The following NBEAL1 variants were observed in gnomAD, a reference collection of about 807,000 sequenced individuals.
The protein encoded by NBEAL1 is neurobeachin-like protein 1.
In NBEAL1, 273 loss-of-function variants were observed where a neutral mutation model predicts 351.3. That is an observed-to-expected ratio of 0.78 (90% confidence interval 0.70 to 0.86). The LOEUF (loss-of-function observed/expected upper bound fraction) is 0.86. Among genes scored for constraint, NBEAL1 ranks in the 40% least tolerant of loss-of-function variants. The pLI is 0.00. For synonymous variants in NBEAL1, 1,050 were observed against 1,086.4 expected (o/e 0.97, Z 0.66); for missense variants, 2,961 against 3,201.3 (o/e 0.92, Z 1.81).
intron 10 of NBEAL1, among the ~76,000 whole-genome samples, chr2:203,094,712 T>C (rs1387945833): frequency 6.6e-6 from 1 of 152,210 alleles, no homozygotes; most frequent in East Asian, 1.9e-4. Context: ...ACATTTAACT[T>C]TTATGATAGA....
chr2:203,201,577 G>A lies in NBEAL1; in HGVS notation c.7273G>A (p.Gly2425Arg), dbSNP rs534421309. ...QRSINGSFAP[G>R]LEITSKLFVV... is the part of the protein sequence containing the mutation. ...CAGTATAAATGGTTCTTTTGCTCCC[G>A]GGCTAGAGATCACTTCTAAGCTATT... The change falls in exon 50 of 56, where the codon GGG becomes AGG. Residue 2425 changes from glycine (G) to arginine (R), a missense_variant. Physicochemically the swap from Gly to Arg is moderately radical, Grantham distance 125. Transcript: ENST00000683969. 10 of 1,599,506 alleles carry A rather than the reference G, an allele frequency of 6.3e-6. No homozygotes were observed. Among genetic ancestry groups the A allele is most frequent in the South Asian group, 2.3e-5 (2 of 88,140 alleles).
intron 38 of NBEAL1, among the ~76,000 whole-genome samples, chr2:203,168,372 A>T (rs2064204098): frequency 6.6e-6 from 1 of 151,874 alleles, no homozygotes; most frequent in Non-Finnish European, 1.5e-5. Flanking sequence ...GATCACCTGA[A>T]GTCAGGAGTT....
chr2:203,138,715 G>T lies in NBEAL1; in HGVS notation c.4815G>T (p.Leu1605Phe), dbSNP rs1011349342. The T allele has an allele frequency of 6.2e-7, 1 of 1,612,796 alleles. No homozygotes were observed. The highest frequency in any genetic ancestry group is 1.3e-5 in the African/African-American group (1 of 74,842). Residue 1605 changes from leucine to phenylalanine, a missense_variant, in exon 31 of 56, where the codon TTG becomes TTT. Leu to Phe is a conservative substitution (Grantham distance 22, BLOSUM62 0). Transcript: ENST00000683969. The stretch of plus-strand genomic sequence containing the variant: ...AACTCTCTCAAATTCAGATCCAGTT[G>T]CTTCTAGGATTCATTGGAAGGGGTA... ...WVKLSQIQIQ[L>F]LLGFIGRGNL...
intron 2 of NBEAL1, among the ~76,000 whole-genome samples, chr2:203,024,521 C>T (rs922221666): frequency 2.0e-5 from 3 of 148,142 alleles, no homozygotes; most frequent in African/African-American, 7.4e-5. Context: ...CACTGCACTC[C>T]AGCCTGGGCA....
chr2:203,183,956 T>A (rs1281222013), intron 44 of NBEAL1, among the ~76,000 whole-genome samples: 1 of 151,374 alleles, frequency 6.6e-6, no homozygotes, highest in Non-Finnish European at 1.5e-5. Flanking sequence ...CGCATGCCTA[T>A]AATCTCAGCT....
chr2:203,112,995 ATTTG>A lies in NBEAL1; in HGVS notation c.2203-8_2203-5del, dbSNP rs1270493851. The A allele has an allele frequency of 2.7e-5, 39 of 1,433,108 alleles. No homozygotes were observed. Among genetic ancestry groups the A allele is most frequent in the Non-Finnish European group, 3.4e-5 (37 of 1,090,186 alleles). The allele number at this position is 1,433,108 out of a possible 1,614,324, so 88.8% of individuals were successfully genotyped here. A position where few individuals can be genotyped will look rare whatever the true frequency, so the allele number is the denominator to read the frequency against. On this transcript the variant is annotated splice_polypyrimidine_tract_variant and intron_variant, in intron 16 of 55. Coordinates refer to ENST00000683969, the MANE Select transcript of NBEAL1 (RefSeq NM_001378026.1). The stretch of plus-strand genomic sequence containing the variant: ...GATATATGTTAATTAAAATTGTGTA[ATTTG>A]TTTGTTTGTTTTTAGCCCTTTACTT...
In NBEAL1 at chr2:203,057,011, A is replaced by G. The variant is rs192211983; in HGVS notation, c.388-315A>G. ...CTAAATATAGACAAGTAGTTATTAT[A>G]TATACTGTTATTTAATTTAAAAATT... On this transcript the variant is annotated intron_variant, in intron 5 of 55. Transcript: ENST00000683969. Among the ~76,000 whole-genome samples, 1,137 of 152,332 alleles carry G rather than the reference A, an allele frequency of 7.5e-3. 5 individuals are homozygous for G. Among genetic ancestry groups the G allele is most frequent in the Admixed American group, 0.011 (173 of 15,294 alleles).
rs746008744 is a variant in NBEAL1, at chr2:203,209,342, A to G, written c.7785+20A>G. The G allele has an allele frequency of 2.5e-6, 4 of 1,588,082 alleles. No individual in the cohort carries two copies. Among genetic ancestry groups the G allele is most frequent in the Admixed American group, 3.3e-5 (2 of 59,762 alleles). On this transcript the variant is annotated intron_variant, in intron 53 of 55. Transcript: ENST00000683969. ...CTCAAGGTATATGACCTTTCATGCA[A>G]TAGAGGTAGACTCCCAATAGCATAT...
chr2:203,162,537 T>A (rs933630983), intron 36 of NBEAL1, among the ~76,000 whole-genome samples: 7 of 148,754 alleles, frequency 4.7e-5, no homozygotes, highest in African/African-American at 1.7e-4. Context: ...GAGCTCAGGA[T>A]CTCCAGACCA....
intron 12 of NBEAL1, among the ~76,000 whole-genome samples, chr2:203,100,859 T>C (rs2062303370): frequency 6.6e-6 from 1 of 152,220 alleles, no homozygotes. Flanking sequence ...TGTTTTCTTT[T>C]GAAAAGTGTC....
intron 3 of NBEAL1, among the ~76,000 whole-genome samples, chr2:203,047,768 T>C (rs2061253689): frequency 1.4e-5 from 2 of 145,686 alleles, no homozygotes; most frequent in African/African-American, 5.1e-5. Flanking sequence ...TTTTGAGAGA[T>C]GGTCTTTCTG....
intron 2 of NBEAL1, among the ~76,000 whole-genome samples, chr2:203,028,906 C>A (rs1205909929): frequency 6.6e-6 from 1 of 152,112 alleles, no homozygotes; most frequent in Non-Finnish European, 1.5e-5. Flanking sequence ...CCTGTCCCCA[C>A]ACATGCACAA....
At position 203,190,727 on chromosome 2, in the gene NBEAL1, A is replaced by C. The variant is rs2065046819; in HGVS notation, c.6921+338A>C. 3 of 1,596,932 alleles carry C rather than the reference A, an allele frequency of 1.9e-6. No individual in the cohort carries two copies. In the Admixed American group the frequency reaches 5.2e-5, roughly 28 times the overall value. ...TCGGCTCGGAGGAGGCCAAGGTGCA[A>C]CTTTCTTCGGTCGTCCCGAATCCGG... On this transcript the variant is annotated intron_variant, in intron 46 of 55. Transcript: ENST00000683969.
At chr2:203,038,413 G>A (rs1281614558) in intron 2 of NBEAL1, among the ~76,000 whole-genome samples, 1 of 148,948 alleles carries the variant, frequency 6.7e-6, no homozygotes, top group East Asian at 1.9e-4. Context: ...GTATATAATA[G>A]TACCTTATTT....
chr2:203,043,920 A>G (rs2061185632), intron 3 of NBEAL1, among the ~76,000 whole-genome samples: 1 of 152,140 alleles, frequency 6.6e-6, no homozygotes, highest in Admixed American at 6.6e-5. Context: ...ATCATGAAGT[A>G]CCATGCATGC....
intron 36 of NBEAL1, among the ~76,000 whole-genome samples, chr2:203,161,326 CAA>C (rs1174377516): frequency 4.5e-4 from 29 of 64,794 alleles, no homozygotes; most frequent in Admixed American, 1.1e-3. Context: ...GACTCCATCT[CAA>C]AAAAAAAAAA....
chr2:203,088,163 G>A (rs370685227), intron 10 of NBEAL1, among the ~76,000 whole-genome samples: 1 of 151,846 alleles, frequency 6.6e-6, no homozygotes, highest in Non-Finnish European at 1.5e-5. Flanking sequence ...AACTCCAATG[G>A]GAGACTACTC....
At chr2:203,040,847 C>T in intron 2 of NBEAL1, 1 of 454,502 alleles carries the variant, frequency 2.2e-6, no homozygotes, top group Non-Finnish European at 4.2e-6. Flanking sequence ...GAGATGGGCT[C>T]ACATGGCTAT....
rs1176408480 is a variant in NBEAL1 at position 203,225,123 on chromosome 2, G to A, written c.*7769G>A. Among the ~76,000 whole-genome samples the A allele has an allele frequency of 1.3e-5, 2 of 151,896 alleles. No individual in the cohort carries two copies. The highest frequency in any genetic ancestry group is 2.9e-5 in the Non-Finnish European group (2 of 67,970). The stretch of plus-strand genomic sequence containing the variant: ...CTTTTTAAGAATGTCCATTTATTTT[G>A]TACATAATAAATTAGCTTTGTATAT... On this transcript the variant is annotated 3_prime_UTR_variant, in exon 56 of 56. Transcript: ENST00000683969.
Sources: allele counts gnomAD v4.1 joint callset (sites outside exome capture counted in the v4.1 genomes callset), GRCh38; gene constraint gnomAD v4.1.1; transcripts MANE v1.5; gene names NCBI Gene and HGNC (gene_info 2026-07-23, HGNC 2026-07-21).